FDXACB1: variants seen among roughly 807,000 people sequenced by gnomAD.
The protein encoded by FDXACB1 is ferredoxin-fold anticodon binding domain containing 1, also known as ferredoxin-fold anticodon-binding domain-containing protein 1.
Under a neutral mutation model 51.7 loss-of-function variants are expected in FDXACB1, and 41 were observed. The observed-to-expected ratio is 0.79, with a 90% confidence interval of 0.62 to 1.03. The LOEUF (loss-of-function observed/expected upper bound fraction) is 1.03. Among genes scored for constraint, FDXACB1 ranks in the 50% least tolerant of loss-of-function variants. FDXACB1 has a pLI of 0.00. For missense variants in FDXACB1, 697 were observed against 746.4 expected (o/e 0.93, Z 0.77); for synonymous variants, 273 against 278.6 (o/e 0.98, Z 0.20).
intron 2 of FDXACB1, 105 bp downstream of exon 2, chr11:111,878,451 T>C: frequency 7.7e-7 from 1 of 1,305,392 alleles, no homozygotes; most frequent in Non-Finnish European, 1.0e-6. Flanking sequence ...TATAGTCTCT[T>C]CTAAACATAT....
At chr11:111,878,470 C>G (rs1555162521) in intron 2 of FDXACB1, 86 bp downstream of exon 2, 1 of 1,400,224 alleles carries the variant, frequency 7.1e-7, no homozygotes, top group East Asian at 2.5e-5. Flanking sequence ...ATCATAGTAG[C>G]TTGCACGTGT....
chr11:111,875,665 G>A lies in FDXACB1; in HGVS notation c.1132C>T (p.Gln378Ter). 1 of 1,613,454 alleles carries A rather than the reference G, an allele frequency of 6.2e-7. No homozygotes were observed. Among genetic ancestry groups the A allele is most frequent in the Non-Finnish European group, 8.5e-7 (1 of 1,179,838 alleles). The change falls in exon 5 of 5, where the codon CAG (glutamine) becomes TAG (stop). Residue 378 changes from glutamine to a stop codon, truncating the protein, a stop_gained. Coordinates refer to ENST00000260257, the MANE Select transcript of FDXACB1 (RefSeq NM_138378.3). LOFTEE classifies it high-confidence loss of function. ...SLHILSGPVFQKCHILPFTMP... is the reference protein window; with the variant it reads ...SLHILSGPVF ...GTGAAAGGCAAAATGTGGCACTTCTGAAAGACAGGTCCACTGAGGATGTGC... is the reference window on the plus strand; with the variant it reads ...GTGAAAGGCAAAATGTGGCACTTCTAAAAGACAGGTCCACTGAGGATGTGC...
In FDXACB1 at chr11:111,875,334, G is replaced by A. The variant is rs377148351; in HGVS notation, c.1463C>T (p.Ser488Phe). Reference sequence around the variant, plus strand: ...CATGGCTAATAAGTCCAAGTTCATAGACACAAACACAAAACACTGGTCTTT... The same window carrying A: ...CATGGCTAATAAGTCCAAGTTCATAAACACAAACACAAAACACTGGTCTTT... ...IHKDQCFVFV[S>F]MNLDLLAMLV... The change falls in exon 5 of 5, where the codon TCT becomes TTT. Residue 488 changes from serine to phenylalanine, a missense_variant. Physicochemically the swap from Ser to Phe is radical, Grantham distance 155. This residue lies in a region of FDXACB1 where 538 missense variants were observed against 592.2 expected (regional missense o/e 0.91). Coordinates refer to ENST00000260257, the MANE Select transcript of FDXACB1 (RefSeq NM_138378.3). 5.6e-6 allele frequency: 9 copies of A among 1,613,712 alleles called. No individual in the cohort carries two copies. The African/African-American group carries it at 1.2e-4, about 22-fold the overall frequency.
intron 1 of FDXACB1, 114 bp downstream of exon 1, chr11:111,878,847 C>T: frequency 6.6e-6 from 10 of 1,517,676 alleles, no homozygotes; most frequent in Non-Finnish European, 8.9e-6. Context: ...TGTGAATATC[C>T]GTGGGACGAT....
chr11:111,876,860 C>G lies in FDXACB1; in HGVS notation c.481G>C (p.Val161Leu). ...AALGGLILSD[V>L]YPFSCKAVAG... ...ACAGCCTTACAGCTGAATGGATACA[C>G]GTCGCTTAAAATGAGCCCCCCCAGG... The change falls in exon 3 of 5, where the codon GTG (valine) becomes CTG (leucine). Residue 161 changes from valine (V) to leucine (L), a missense_variant. By Grantham distance (32) the Val-to-Leu change is conservative. Coordinates refer to ENST00000260257, the MANE Select transcript of FDXACB1 (RefSeq NM_138378.3). 6.2e-7 allele frequency: 1 copy of G among 1,613,912 alleles called. No homozygotes were observed. The highest frequency in any genetic ancestry group is 8.5e-7 in the Non-Finnish European group (1 of 1,179,848).
chr11:111,878,943 G>C lies in FDXACB1; in HGVS notation c.172+18C>G. 15 of 1,580,870 alleles carry C rather than the reference G, an allele frequency of 9.5e-6. No individual in the cohort carries two copies. Among genetic ancestry groups the C allele is most frequent in the Non-Finnish European group, 1.3e-5 (15 of 1,165,552 alleles). ...GCCGGCCGCTGGGCGGGGTTTCGCA[G>C]AGGGGCGGGCTCGCTACCTCGCTCG... On this transcript the variant is annotated intron_variant, in intron 1 of 4. Transcript: ENST00000260257.
Position 111,879,165 on chromosome 11 carries a change from T to C in FDXACB1, c.-33A>G, listed in dbSNP as rs1217220072. 1 of 1,584,984 alleles carries C rather than the reference T, an allele frequency of 6.3e-7. No individual in the cohort carries two copies. The highest frequency in any genetic ancestry group is 8.6e-7 in the Non-Finnish European group (1 of 1,166,058). Reference sequence around the variant, plus strand: ...ACGGACTCCCGGCTCGCGTTCTCTGTGGCGCTCGTTTTACGTCACTTCCTT... The same window carrying C: ...ACGGACTCCCGGCTCGCGTTCTCTGCGGCGCTCGTTTTACGTCACTTCCTT... On this transcript the variant is annotated 5_prime_UTR_variant, in exon 1 of 5. Transcript: ENST00000260257.
At chr11:111,878,408 T>C (rs1592491487) in intron 2 of FDXACB1, 148 bp downstream of exon 2, 1 of 787,808 alleles carries the variant, frequency 1.3e-6, no homozygotes, top group East Asian at 2.8e-5. Flanking sequence ...TATATCTGTC[T>C]TTCCAACTAA....
chr11:111,875,346 A>G lies in FDXACB1; in HGVS notation c.1451T>C (p.Phe484Ser). 6.2e-7 allele frequency: 1 copy of G among 1,613,852 alleles called. No individual in the cohort carries two copies. The highest frequency in any genetic ancestry group is 8.5e-7 in the Non-Finnish European group (1 of 1,179,886). Reference sequence around the variant, plus strand: ...GTCCAAGTTCATAGACACAAACACAAAACACTGGTCTTTATGTATAACACT... The same window carrying G: ...GTCCAAGTTCATAGACACAAACACAGAACACTGGTCTTTATGTATAACACT... ...ATSVIHKDQCFVFVSMNLDLL... is the reference protein window; with the variant it reads ...ATSVIHKDQCSVFVSMNLDLL... The change falls in exon 5 of 5, where the codon TTT (phenylalanine) becomes TCT (serine). Residue 484 changes from phenylalanine to serine, a missense_variant. By Grantham distance (155) the Phe-to-Ser change is radical. Transcript: ENST00000260257.
rs1190644606 is a variant in FDXACB1 at position 111,876,728 on chromosome 11, T to C, written c.533+80A>G. ...CGAATCAATTAATTGGCAGGGCCTATTGAGTCTGTCTATGAGATTTTGTTA... is the reference window on the plus strand; with the variant it reads ...CGAATCAATTAATTGGCAGGGCCTACTGAGTCTGTCTATGAGATTTTGTTA... On this transcript the variant is annotated intron_variant, in intron 3 of 4. Coordinates refer to ENST00000260257, the MANE Select transcript of FDXACB1 (RefSeq NM_138378.3). 20 of 1,589,884 alleles carry C rather than the reference T, an allele frequency of 1.3e-5. 1 individual carries two copies. The highest frequency in any genetic ancestry group is 4.5e-5 in the East Asian group (2 of 44,668).
rs1461467974 is a variant in FDXACB1 at position 111,874,934 on chromosome 11, A to G, written c.1863T>C (p.Val621=). 2.5e-6 allele frequency: 4 copies of G among 1,613,618 alleles called. No individual in the cohort carries two copies. Among genetic ancestry groups the G allele is most frequent in the Non-Finnish European group, 3.4e-6 (4 of 1,179,678 alleles). ...AGGATTTACCAAACTACCGAGGTAT[A>G]ACATATAGGTGTTGTTGAATCTCCT... ...FRKEIQQHLY[V]IPR is the part of the protein sequence containing the mutation. The change falls in exon 5 of 5, where the codon GTT becomes GTC. Residue 621 remains valine (V), a synonymous_variant. Coordinates refer to ENST00000260257, the MANE Select transcript of FDXACB1 (RefSeq NM_138378.3).
intron 1 of FDXACB1, 117 bp downstream of exon 1, chr11:111,878,844 A>T: frequency 2.0e-6 from 3 of 1,510,632 alleles, no homozygotes; most frequent in Non-Finnish European, 2.7e-6. Context: ...TTATGTGAAT[A>T]TCCGTGGGAC....
chr11:111,877,674 G>C (rs774379134), intron 2 of FDXACB1, among the ~76,000 whole-genome samples: 3 of 151,478 alleles, frequency 2.0e-5, no homozygotes, highest in Non-Finnish European at 4.4e-5. Flanking sequence ...GTGCCAGCAC[G>C]GCCAGCTAAT....
Position 111,876,791 on chromosome 11 carries a change from C to G in FDXACB1, c.533+17G>C. On this transcript the variant is annotated intron_variant, in intron 3 of 4. Coordinates refer to ENST00000260257, the MANE Select transcript of FDXACB1 (RefSeq NM_138378.3). ...GAGATGAAAACGCAGAAGGCTTAAA[C>G]CTATGCTATTACCTACCTATATCCA... 6.2e-7 allele frequency: 1 copy of G among 1,612,986 alleles called. No homozygotes were observed. Among genetic ancestry groups the G allele is most frequent in the East Asian group, 2.2e-5 (1 of 44,884 alleles).
rs367619899 is a variant in FDXACB1, at chr11:111,876,624, G to C, written c.549C>G (p.Ser183=). ...GGTTCAAAGCACCTTCTACATGAAA[G>C]GACTTATCTTGACTCCTGGCAAAAT... ...KCTGYRSQDK[S]FHVEGALNHI... The change falls in exon 4 of 5, where the codon TCC becomes TCG. Residue 183 remains serine (S), a synonymous_variant. Coordinates refer to ENST00000260257, the MANE Select transcript of FDXACB1 (RefSeq NM_138378.3). 2.5e-6 allele frequency: 4 copies of C among 1,612,564 alleles called. No homozygotes were observed. In the African/African-American group the frequency reaches 4.0e-5, roughly 16 times the overall value.
rs1964828982 is a variant in FDXACB1 at position 111,876,928 on chromosome 11, T to C, written c.413A>G (p.Gln138Arg). The change falls in exon 3 of 5, where the codon CAG (glutamine) becomes CGG (arginine). Residue 138 changes from glutamine to arginine, a missense_variant. Physicochemically the swap from Gln to Arg is conservative, Grantham distance 43. Coordinates refer to ENST00000260257, the MANE Select transcript of FDXACB1 (RefSeq NM_138378.3). Reference protein sequence around the residue: ...GQGGTPADKPQREWHNSWQVV... With the variant: ...GQGGTPADKPRREWHNSWQVV... ...TTGCCAACTGTTGTGCCATTCTCTC[T>C]GGGGCTTATCCGCAGGAGTTCCACC... The C allele has an allele frequency of 6.2e-7, 1 of 1,611,722 alleles. No homozygotes were observed. The highest frequency in any genetic ancestry group is 8.5e-7 in the Non-Finnish European group (1 of 1,178,812).
rs535629792 is a variant in FDXACB1, at chr11:111,874,760, C to CAAAA, written c.*158_*161dup. The CAAAA allele has an allele frequency of 1.1e-5, 5 of 453,984 alleles. No individual in the cohort carries two copies. The highest frequency in any genetic ancestry group is 1.1e-5 in the Non-Finnish European group (3 of 273,020). 28.1% of individuals were successfully genotyped at this position (453,984 alleles called of 1,614,324 possible). On this transcript the variant is annotated 3_prime_UTR_variant, in exon 5 of 5. Transcript: ENST00000260257. ...TGGGCGGCAGAGCAAGACTCCGTCT[C>CAAAA]AAAAAAAAAAAAAAAAAAAGATCAA...
At chr11:111,877,383 A>G (rs1401223400) in intron 2 of FDXACB1, among the ~76,000 whole-genome samples, 1 of 152,194 alleles carries the variant, frequency 6.6e-6, no homozygotes, top group African/African-American at 2.4e-5. Context: ...CTAGTTTAAA[A>G]TACCACCTCT....
At position 111,875,776 on chromosome 11, in the gene FDXACB1, C is replaced by A. The variant is rs782721202; in HGVS notation, c.1021G>T (p.Gly341Cys). The A allele has an allele frequency of 6.2e-7, 1 of 1,613,632 alleles. No homozygotes were observed. The highest frequency in any genetic ancestry group is 1.7e-5 in the Admixed American group (1 of 60,006). ...GKEEACEGTC[G>C]QAKICLRPSL... ...GGTCTAAGGCAGATCTTGGCCTGGC[C>A]ACAGGTTCCTTCACAAGCTTCTTCT... Residue 341 changes from glycine to cysteine, a missense_variant, in exon 5 of 5, where the codon GGC (glycine) becomes TGC (cysteine). Gly to Cys is a radical substitution (Grantham distance 159). Around this residue, in one of 3 missense-constraint regions of FDXACB1, gnomAD observed 538 missense variants for 592.2 expected, o/e 0.91. Coordinates refer to ENST00000260257, the MANE Select transcript of FDXACB1 (RefSeq NM_138378.3).
Sources: allele counts gnomAD v4.1 joint callset (sites outside exome capture counted in the v4.1 genomes callset), GRCh38; gene constraint gnomAD v4.1.1; regional missense constraint gnomAD v4.1.1; transcripts MANE v1.5; gene names NCBI Gene and HGNC (gene_info 2026-07-23, HGNC 2026-07-21).